PCDHGB1: variants seen among roughly 807,000 people sequenced by gnomAD.
PCDHGB1 encodes protocadherin gamma subfamily B, 1, also known as protocadherin gamma-B1.
Under a neutral mutation model 56.6 loss-of-function variants are expected in PCDHGB1, and 34 were observed. The ratio of observed to expected loss-of-function variants is 0.60; its 90% CI spans 0.46 to 0.80. The LOEUF is 0.80. Ranked by LOEUF, PCDHGB1 falls within the 30% of genes least tolerant of loss-of-function variation. The probability of loss-of-function intolerance (pLI) is 0.00; values close to 1 mark genes in which losing one functional copy is unlikely to be tolerated. For missense variants in PCDHGB1, 1,278 were observed against 1,204.6 expected (o/e 1.06, Z -0.90); for synonymous variants, 561 against 505.9 (o/e 1.11, Z -1.46).
At chr5:141,483,323 G>A (rs2099579999) in intron 1 of PCDHGB1, among the ~76,000 whole-genome samples, 1 of 152,104 alleles carries the variant, frequency 6.6e-6, no homozygotes, top group Non-Finnish European at 1.5e-5. Flanking sequence ...GGGACTGGAG[G>A]CAAAGAGATC....
In PCDHGB1 at chr5:141,390,005, G is replaced by A. The variant is rs886109174; in HGVS notation, c.2409+37336G>A. 2.5e-6 allele frequency: 4 copies of A among 1,613,860 alleles called. No individual in the cohort carries two copies. In the African/African-American group the frequency reaches 5.3e-5, roughly 22 times the overall value. ...TGCTCTTCCTCGTGGCCATGATTCT[G>A]GCCATTGCCTTGCGCCTGCGACGCT... On this transcript the variant is annotated intron_variant, in intron 1 of 3. Coordinates refer to ENST00000523390, the MANE Select transcript of PCDHGB1 (RefSeq NM_018922.3).
rs578223384 is a variant in PCDHGB1, at chr5:141,400,070, C to A, written c.2409+47401C>A. 4 of 1,613,804 alleles carry A rather than the reference C, an allele frequency of 2.5e-6. No individual in the cohort carries two copies. The African/African-American group carries it at 4.0e-5, about 16-fold the overall frequency. On this transcript the variant is annotated intron_variant, in intron 1 of 3. Transcript: ENST00000523390. ...GTTGCTGTGCGTGATGGTGGACAGC[C>A]GCCACTCTCCGCCACCGCCACGCTG...
intron 1 of PCDHGB1, chr5:141,393,748 G>A (rs368249829): frequency 1.2e-6 from 2 of 1,613,866 alleles, no homozygotes; most frequent in Non-Finnish European, 8.5e-7. Flanking sequence ...TATGAAGAAT[G>A]TTCATTTTAT....
intron 1 of PCDHGB1, among the ~76,000 whole-genome samples, chr5:141,429,720 A>G (rs571388976): frequency 6.6e-6 from 1 of 152,340 alleles, no homozygotes; most frequent in South Asian, 2.1e-4. Context: ...TACGCTCATG[A>G]AAGTACGTAG....
rs757503771 is a variant in PCDHGB1 at position 141,433,052 on chromosome 5, A to C, written c.2410-61755A>C. 31 of 1,614,060 alleles carry C rather than the reference A, an allele frequency of 1.9e-5. No homozygotes were observed. Among genetic ancestry groups the C allele is most frequent in the Non-Finnish European group, 1.8e-5 (21 of 1,180,044 alleles). On this transcript the variant is annotated intron_variant, in intron 1 of 3. Coordinates refer to ENST00000523390, the MANE Select transcript of PCDHGB1 (RefSeq NM_018922.3). ...GGTTTCCCTCACCACGGACTCGCGG[A>C]AGAGTCACCTGATCTTCCCCCAGCC...
intron 1 of PCDHGB1, among the ~76,000 whole-genome samples, chr5:141,474,926 C>T (rs756761848): frequency 1.3e-5 from 2 of 152,218 alleles, no homozygotes; most frequent in Non-Finnish European, 2.9e-5. Context: ...TCATCTCTGG[C>T]TTATATCACA....
At chr5:141,421,303 G>A (rs1456288695) in intron 1 of PCDHGB1, 1 of 1,613,660 alleles carries the variant, frequency 6.2e-7, no homozygotes, top group Non-Finnish European at 8.5e-7. Flanking sequence ...GACGCTGCGG[G>A]GGTTCCGGGC....
chr5:141,487,812 T>A lies in PCDHGB1; in HGVS notation c.2410-6995T>A. ...TAACCAGAGTTGTCACAGTTTAGCA[T>A]TGGGGGCGGGTCATGCCTATATCTG... On this transcript the variant is annotated intron_variant, in intron 1 of 3. Coordinates refer to ENST00000523390, the MANE Select transcript of PCDHGB1 (RefSeq NM_018922.3). The surrounding 1 kb of genome is among the most constrained non-coding windows in gnomAD (Gnocchi z 5.0). 1 of 1,408,206 alleles carries A rather than the reference T, an allele frequency of 7.1e-7. No individual in the cohort carries two copies. The highest frequency in any genetic ancestry group is 9.7e-7 in the Non-Finnish European group (1 of 1,036,248). 87.2% of individuals were successfully genotyped at this position (1,408,206 alleles called of 1,614,324 possible). A position where few individuals can be genotyped will look rare whatever the true frequency, so the allele number is the denominator to read the frequency against.
At chr5:141,428,070 T>G (rs756684090) in intron 1 of PCDHGB1, 7 of 1,609,106 alleles carry the variant, frequency 4.4e-6, no homozygotes, top group Non-Finnish European at 5.1e-6. Context: ...GGACGCAGAT[T>G]CGGGACACAA....
intron 1 of PCDHGB1, chr5:141,419,465 G>A (rs568864628): frequency 1.9e-6 from 3 of 1,612,544 alleles, no homozygotes; most frequent in South Asian, 1.1e-5. Context: ...GCAGGCCCGC[G>A]ACCAGGGCTC....
At chr5:141,362,345 C>T (rs776739300) in intron 1 of PCDHGB1, 2 of 1,614,068 alleles carry the variant, frequency 1.2e-6, no homozygotes, top group South Asian at 2.2e-5. Flanking sequence ...AAGCCTGGAC[C>T]TGGGGTTCTC....
chr5:141,451,256 A>T (rs376288655), intron 1 of PCDHGB1, among the ~76,000 whole-genome samples: 1 of 152,212 alleles, frequency 6.6e-6, no homozygotes, highest in African/African-American at 2.4e-5. Context: ...GTGGATCAGG[A>T]CTGGGTATAG....
At chr5:141,361,578 G>T in intron 1 of PCDHGB1, 3 of 1,614,036 alleles carry the variant, frequency 1.9e-6, no homozygotes, top group Non-Finnish European at 2.5e-6. Context: ...ACCCTGACTT[G>T]GGCCCCAGTG....
rs780380650 is a variant in PCDHGB1 at position 141,432,715 on chromosome 5, C to G, written c.2410-62092C>G. 2.5e-6 allele frequency: 4 copies of G among 1,613,996 alleles called. No homozygotes were observed. Among genetic ancestry groups the G allele is most frequent in the Non-Finnish European group, 3.4e-6 (4 of 1,179,970 alleles). On this transcript the variant is annotated intron_variant, in intron 1 of 3. Transcript: ENST00000523390. The surrounding 1 kb of genome is among the most constrained non-coding windows in gnomAD (Gnocchi z 6.0). ...TGGCCGTCCAGGACCACGGCCAGCC[C>G]CCTCTCTCCGCCACTGTCACGCTCA... is the stretch of plus-strand genomic sequence containing the variant.
At chr5:141,478,306 G>A (rs1316502939) in intron 1 of PCDHGB1, 2 of 1,614,056 alleles carry the variant, frequency 1.2e-6, no homozygotes, top group South Asian at 2.2e-5. Flanking sequence ...ACCGAGCCCC[G>A]GTGAGCTCAC....
chr5:141,394,263 A>C lies in PCDHGB1; in HGVS notation c.2409+41594A>C, dbSNP rs745926581. The C allele has an allele frequency of 2.5e-6, 4 of 1,613,766 alleles. No homozygotes were observed. In the African/African-American group the frequency reaches 5.3e-5, roughly 22 times the overall value. On this transcript the variant is annotated intron_variant, in intron 1 of 3. Coordinates refer to ENST00000523390, the MANE Select transcript of PCDHGB1 (RefSeq NM_018922.3). ...TGCACACGACCCCGACAGCCAGGAG[A>C]ATGCCCAGGTCACTTACTCTGTGAC...
intron 1 of PCDHGB1, chr5:141,403,461 A>G (rs2094410364): frequency 6.2e-7 from 1 of 1,614,010 alleles, no homozygotes; most frequent in Non-Finnish European, 8.5e-7. Context: ...CTCCAGAGCT[A>G]CCAGCTCAGC....
intron 1 of PCDHGB1, chr5:141,409,515 T>C (rs1273041163): frequency 5.0e-6 from 8 of 1,613,844 alleles, no homozygotes; most frequent in Non-Finnish European, 6.8e-6. Context: ...AGTAGAAGCA[T>C]CACCTTGTAT....
chr5:141,360,414 A>G, intron 1 of PCDHGB1: 1 of 1,614,020 alleles, frequency 6.2e-7, no homozygotes, highest in Non-Finnish European at 8.5e-7. Flanking sequence ...TAGACCGAGA[A>G]CAGATATGCG....
Sources: allele counts gnomAD v4.1 joint callset (sites outside exome capture counted in the v4.1 genomes callset), GRCh38; gene constraint gnomAD v4.1.1; non-coding constraint Gnocchi (gnomAD v3.1); transcripts MANE v1.5; gene names NCBI Gene and HGNC (gene_info 2026-07-23, HGNC 2026-07-21).